Variants in BMP7 observed in about 807,000 individuals in gnomAD.
BMP7 encodes osteogenic protein 1.
BMP7 carries 12 observed loss-of-function variants against 41.2 expected under a neutral mutation model. The observed-to-expected ratio is 0.29, with a 90% CI of 0.19 to 0.47. BMP7 has a LOEUF of 0.47. Among genes scored for constraint, BMP7 ranks in the 20% least tolerant of loss-of-function variants. The probability of loss-of-function intolerance (pLI) is 0.99; values close to 1 mark genes in which losing one functional copy is unlikely to be tolerated. For synonymous variants in BMP7, 248 were observed against 250.0 expected, an observed-to-expected ratio of 0.99 and a Z score of 0.07; for missense variants, 467 against 606.0, an observed-to-expected ratio of 0.77 and a Z score of 2.41.
rs1467156169 is a variant in BMP7, at chr20:57,215,534, A to C, written c.611+12695T>G. The C allele has an allele frequency of 6.6e-6, 1 of 152,198 alleles. No homozygotes were observed. The highest frequency in any genetic ancestry group is 6.5e-5 in the Admixed American group (1 of 15,278). 9.4% of individuals were successfully genotyped at this position (152,198 alleles called of 1,614,324 possible). A position where few individuals can be genotyped will look rare whatever the true frequency, so the allele number is the denominator to read the frequency against. On this transcript the variant is annotated intron_variant, in intron 2 of 6. Transcript: ENST00000395863. This position sits in a 1 kb window ranked among gnomAD's most constrained non-coding sequence, Gnocchi z 4.2. The stretch of plus-strand genomic sequence containing the variant: ...CATGATCCATCCAGAAACCCAGTGG[A>C]ACTGAGCCGCGAGCTGGATTCCAGC...
Position 57,216,040 on chromosome 20 carries a change from T to C in BMP7, c.611+12189A>G, listed in dbSNP as rs141003976. On this transcript the variant is annotated intron_variant, in intron 2 of 6. Transcript: ENST00000395863. ...GAAACAAGTGACGCAATTTCCAAATTCAAGATTCTCAAAAACAGAGGCTGG... is the reference window on the plus strand; with the variant it reads ...GAAACAAGTGACGCAATTTCCAAATCCAAGATTCTCAAAAACAGAGGCTGG... Among the ~76,000 whole-genome samples the C allele has an allele frequency of 4.9e-3, 746 of 152,080 alleles. 7 individuals are homozygous for C. The highest frequency in any genetic ancestry group is 0.017 in the African/African-American group (700 of 41,456).
chr20:57,229,870 G>A (rs1264228526), intron 1 of BMP7, among the ~76,000 whole-genome samples: 5 of 152,194 alleles, frequency 3.3e-5, no homozygotes, highest in South Asian at 2.1e-4. Flanking sequence ...CCCTGGCTGC[G>A]CAGCTCCATT....
intron 1 of BMP7, among the ~76,000 whole-genome samples, chr20:57,238,547 T>A (rs529303992): frequency 9.2e-5 from 14 of 152,316 alleles, no homozygotes; most frequent in Admixed American, 3.9e-4. Flanking sequence ...CCATAGTGGC[T>A]ACAGCATTTT....
chr20:57,186,798 G>GT (rs1466206889), intron 3 of BMP7, among the ~76,000 whole-genome samples: 1 of 152,062 alleles, frequency 6.6e-6, no homozygotes, highest in South Asian at 2.1e-4. Flanking sequence ...GTTCACTTTG[G>GT]TTTTTTAACA....
intron 6 of BMP7, 149 bp downstream of exon 6, chr20:57,173,051 T>A: frequency 1.3e-6 from 1 of 787,960 alleles, no homozygotes; most frequent in Non-Finnish European, 2.2e-6. Flanking sequence ...ATTTTTGATT[T>A]TTTTTTAACG....
intron 1 of BMP7, among the ~76,000 whole-genome samples, chr20:57,263,165 G>A (rs1176760802): frequency 2.6e-5 from 4 of 152,202 alleles, no homozygotes; most frequent in African/African-American, 9.6e-5. Context: ...CAAGGTCAGT[G>A]CGCTCTGTTA....
intron 2 of BMP7, among the ~76,000 whole-genome samples, chr20:57,208,490 T>C (rs1984795999): frequency 6.6e-6 from 1 of 152,104 alleles, no homozygotes; most frequent in Non-Finnish European, 1.5e-5. Context: ...ATACTAATGG[T>C]AGGATTGGAA....
chr20:57,191,773 AATATACT>A (rs1984364054), intron 3 of BMP7, among the ~76,000 whole-genome samples: 1 of 143,228 alleles, frequency 7.0e-6, no homozygotes, highest in Non-Finnish European at 1.5e-5. Flanking sequence ...TAATATATAT[AATATACT>A]ATATATTATA....
intron 3 of BMP7, among the ~76,000 whole-genome samples, chr20:57,199,404 T>C (rs898684613): frequency 2.6e-5 from 4 of 152,198 alleles, no homozygotes; most frequent in African/African-American, 9.6e-5. Flanking sequence ...AAAAGCTACA[T>C]ACTGGGTGCA....
intron 1 of BMP7, among the ~76,000 whole-genome samples, chr20:57,239,309 A>G (rs2066060342): frequency 6.6e-6 from 1 of 152,230 alleles, no homozygotes; most frequent in African/African-American, 2.4e-5. Flanking sequence ...CTCAAACTTT[A>G]AAGCTCCAAA....
At chr20:57,233,446 C>G (rs543309819) in intron 1 of BMP7, among the ~76,000 whole-genome samples, 1 of 152,194 alleles carries the variant, frequency 6.6e-6, no homozygotes, top group Non-Finnish European at 1.5e-5. Flanking sequence ...TACAAAAACC[C>G]GAAATAGCCC....
chr20:57,207,464 C>T (rs1193385643), intron 2 of BMP7, among the ~76,000 whole-genome samples: 1 of 152,188 alleles, frequency 6.6e-6, no homozygotes, highest in Non-Finnish European at 1.5e-5. Context: ...TTGTTTTAAG[C>T]CACTACATAT....
At position 57,266,156 on chromosome 20, in the gene BMP7, C is replaced by A. The variant is rs1407234023; in HGVS notation, c.-34G>T. The A allele has an allele frequency of 6.0e-6, 9 of 1,496,960 alleles. No homozygotes were observed. Among genetic ancestry groups the A allele is most frequent in the South Asian group, 1.3e-5 (1 of 77,568 alleles). 92.7% of individuals were successfully genotyped at this position (1,496,960 alleles called of 1,614,324 possible). On this transcript the variant is annotated 5_prime_UTR_variant, in exon 1 of 7. Transcript: ENST00000395863. ...CTCTACGCGCTACCCGGGCTCCGGG[C>A]TCCGGGCCCGCACCGCCCCAGGTGG...
intron 2 of BMP7, among the ~76,000 whole-genome samples, chr20:57,217,675 AAAC>A (rs1985065149): frequency 6.6e-6 from 1 of 152,234 alleles, no homozygotes. Flanking sequence ...AAAGCAGGAG[AAAC>A]ACATAGGCAG....
At chr20:57,203,185 T>C (rs1314579323) in intron 2 of BMP7, among the ~76,000 whole-genome samples, 2 of 152,274 alleles carry the variant, frequency 1.3e-5, no homozygotes, top group African/African-American at 4.8e-5. Context: ...GAGCAGATAC[T>C]CTTCATTTCC....
At chr20:57,251,619 G>A (rs1382017276) in intron 1 of BMP7, among the ~76,000 whole-genome samples, 1 of 152,150 alleles carries the variant, frequency 6.6e-6, no homozygotes, top group Non-Finnish European at 1.5e-5. Context: ...TCTGCAGAAG[G>A]ACAAAAGGGA....
Position 57,214,453 on chromosome 20 carries a change from G to A in BMP7, c.612-11830C>T, listed in dbSNP as rs1984965674. 6.6e-6 allele frequency among the ~76,000 whole-genome samples: 1 copy of A among 152,148 alleles called. No individual in the cohort carries two copies. On this transcript the variant is annotated intron_variant, in intron 2 of 6. Coordinates refer to ENST00000395863, the MANE Select transcript of BMP7 (RefSeq NM_001719.3). The surrounding 1 kb of genome is among the most constrained non-coding windows in gnomAD (Gnocchi z 4.0). The stretch of plus-strand genomic sequence containing the variant: ...TGACAGTCCAAACCGAGAAACTGGG[G>A]AGAGAGAGGAGGCATTATTGTCAAC...
In BMP7 at chr20:57,226,508, C is replaced by T. The variant is rs143751777; in HGVS notation, c.611+1721G>A. 6.5e-3 allele frequency among the ~76,000 whole-genome samples: 987 copies of T among 152,328 alleles called. 6 individuals are homozygous for T. The highest frequency in any genetic ancestry group is 0.021 in the East Asian group (107 of 5,162). On this transcript the variant is annotated intron_variant, in intron 2 of 6. Coordinates refer to ENST00000395863, the MANE Select transcript of BMP7 (RefSeq NM_001719.3). The stretch of plus-strand genomic sequence containing the variant: ...ATCCATCATAGAACAGAGGAGCCAG[C>T]GTGCACACGTGAAACACAGCACAAC...
intron 1 of BMP7, among the ~76,000 whole-genome samples, chr20:57,231,716 T>C (rs2066030097): frequency 6.6e-6 from 1 of 152,230 alleles, no homozygotes; most frequent in Non-Finnish European, 1.5e-5. Context: ...CCCACAATCA[T>C]GCACAGGTGC....
Sources: gnomAD v4.1 joint callset for allele counts (sites outside exome capture counted in the v4.1 genomes callset) on GRCh38, gnomAD v4.1.1 for gene constraint, Gnocchi (gnomAD v3.1) non-coding constraint, MANE v1.5 for transcripts, NCBI Gene and HGNC (gene_info 2026-07-23, HGNC 2026-07-21) for gene names.